SNAP47: variants seen among roughly 807,000 people sequenced by gnomAD.
SNAP47 encodes synaptosome associated protein 47.
SNAP47 carries 20 observed loss-of-function variants against 31.4 expected under a neutral mutation model. The observed-to-expected ratio is 0.64, with a 90% CI of 0.45 to 0.93. SNAP47 has a LOEUF of 0.93. Ranked by LOEUF, SNAP47 falls within the 40% of genes least tolerant of loss-of-function variation. SNAP47 has a pLI of 0.00. For missense variants in SNAP47, 492 were observed against 528.5 expected, an observed-to-expected ratio of 0.93 and a Z score of 0.68; for synonymous variants, 194 against 213.4, an observed-to-expected ratio of 0.91 and a Z score of 0.79.
At chr1:227,767,236 G>T (rs759241113) in intron 4 of SNAP47, among the ~76,000 whole-genome samples, 153 bp downstream of exon 4, 1 of 152,208 alleles carries the variant, frequency 6.6e-6, no homozygotes, top group African/African-American at 2.4e-5. Context: ...CTCGGCAGCT[G>T]CAGGGAGGGA....
intron 1 of SNAP47, 36 bp from the exon 2 acceptor site, chr1:227,747,656 G>A (rs1457162947): frequency 4.5e-6 from 7 of 1,548,364 alleles, no homozygotes; most frequent in Non-Finnish European, 6.1e-6. Flanking sequence ...CCAGTCCATG[G>A]GTGACGGCAG....
At chr1:227,743,382 C>T (rs948843747) in intron 1 of SNAP47, among the ~76,000 whole-genome samples, 3 of 152,174 alleles carry the variant, frequency 2.0e-5, no homozygotes, top group African/African-American at 7.2e-5. Context: ...GTTGGGGTTC[C>T]CTGCAGTCTG....
intron 4 of SNAP47, chr1:227,768,262 A>G: frequency 7.1e-6 from 7 of 985,424 alleles, no homozygotes; most frequent in Non-Finnish European, 8.4e-6. Flanking sequence ...ATTCCTGGAA[A>G]AAGCAAAGCT....
Position 227,762,581 on chromosome 1 carries a change from G to C in SNAP47, c.988+3096G>C, listed in dbSNP as rs1009907121. On this transcript the variant is annotated intron_variant, in intron 3 of 4. Transcript: ENST00000617596. This position sits in a 1 kb window ranked among gnomAD's most constrained non-coding sequence, Gnocchi z 4.2. ...AGAAATCCCTGCCTCTGGGACGAGC[G>C]CTGGTGCACGTGTGGCCACAGGGTG... Among the ~76,000 whole-genome samples, 1 of 152,246 alleles carries C rather than the reference G, an allele frequency of 6.6e-6. No individual in the cohort carries two copies. Among genetic ancestry groups the C allele is most frequent in the African/African-American group, 2.4e-5 (1 of 41,468 alleles).
chr1:227,746,969 C>T (rs182082525), intron 1 of SNAP47: 6 of 152,310 alleles, frequency 3.9e-5, no homozygotes, highest in South Asian at 2.1e-4. Flanking sequence ...CATGAGGATT[C>T]GTTCAAATCT....
chr1:227,772,251 A>C (rs542958799), intron 4 of SNAP47, among the ~76,000 whole-genome samples: 29 of 152,298 alleles, frequency 1.9e-4, no homozygotes, highest in Non-Finnish European at 3.5e-4. Flanking sequence ...ACCATTTTTA[A>C]GTGTACAATT....
intron 1 of SNAP47, among the ~76,000 whole-genome samples, chr1:227,728,973 A>G (rs1325293515): frequency 6.6e-6 from 1 of 152,170 alleles, no homozygotes; most frequent in Non-Finnish European, 1.5e-5. Flanking sequence ...GAGGAAGGCC[A>G]GGATCCACGA....
At chr1:227,757,863 T>C (rs1662789751) in intron 2 of SNAP47, among the ~76,000 whole-genome samples, 1 of 152,216 alleles carries the variant, frequency 6.6e-6, no homozygotes, top group Non-Finnish European at 1.5e-5. Context: ...CCATGGCAGT[T>C]AGCTTAGGTG....
intron 2 of SNAP47, among the ~76,000 whole-genome samples, chr1:227,752,256 T>G (rs1343674319): frequency 2.0e-5 from 3 of 152,154 alleles, no homozygotes; most frequent in African/African-American, 7.2e-5. Flanking sequence ...TTTCTTTTTT[T>G]CCTTGAGAAT....
chr1:227,765,747 G>T (rs555699602), intron 3 of SNAP47, among the ~76,000 whole-genome samples: 3 of 152,136 alleles, frequency 2.0e-5, no homozygotes, highest in Non-Finnish European at 4.4e-5. Context: ...ACTTGCACTC[G>T]CACCCATCTG....
At chr1:227,733,597 TG>T, upstream of SNAP47, 1 of 1,607,618 alleles carries the variant, frequency 6.2e-7, no homozygotes, top group Non-Finnish European at 8.5e-7. Flanking sequence ...CTTCCTGCCC[TG>T]GGGGGAAGAG....
rs1164898404 is a variant in SNAP47 at position 227,780,729 on chromosome 1, G to A, written c.*56G>A. 1 of 1,606,036 alleles carries A rather than the reference G, an allele frequency of 6.2e-7. No individual in the cohort carries two copies. Among genetic ancestry groups the A allele is most frequent in the Non-Finnish European group, 8.5e-7 (1 of 1,175,670 alleles). ...CCTGCACATCCCGCTGAGATGGAGG[G>A]CTGGGCGGCAGTGCCAGGGCTGCAG... On this transcript the variant is annotated 3_prime_UTR_variant, in exon 5 of 5. Transcript: ENST00000617596.
rs117262684 is a variant in SNAP47, at chr1:227,741,346, T to G, written c.-46+5847T>G. Among the ~76,000 whole-genome samples the G allele has an allele frequency of 3.1e-3, 477 of 152,182 alleles. 13 individuals carry two copies. In the East Asian group the frequency reaches 0.061, roughly 19 times the overall value. On this transcript the variant is annotated intron_variant, in intron 1 of 4. Coordinates refer to ENST00000617596, the MANE Select transcript of SNAP47 (RefSeq NM_053052.4). The surrounding 1 kb of genome is among the most constrained non-coding windows in gnomAD (Gnocchi z 4.2). ...CAAGGAGAGTGGACGCAGGCACTCA[T>G]GGAAGTGGGGCTGGAGACCTGGAGA...
chr1:227,728,823 G>A (rs1310094414), intron 1 of SNAP47: 1 of 152,274 alleles, frequency 6.6e-6, no homozygotes, highest in South Asian at 2.1e-4. Context: ...CAGGAGAGGC[G>A]AGGGGAACGG....
chr1:227,770,329 C>G (rs1663717104), intron 4 of SNAP47, among the ~76,000 whole-genome samples: 1 of 152,172 alleles, frequency 6.6e-6, no homozygotes, highest in African/African-American at 2.4e-5. Context: ...ACTTGGGGCT[C>G]AGGTAGGGCT....
chr1:227,728,284 G>A (rs1416132653), upstream of SNAP47, among the ~76,000 whole-genome samples: 5 of 152,158 alleles, frequency 3.3e-5, no homozygotes, highest in African/African-American at 1.2e-4. Context: ...GGAACACAAG[G>A]GTAGGGAAGG....
At chr1:227,777,286 C>T (rs1013820284) in intron 4 of SNAP47, 5 of 238,864 alleles carry the variant, frequency 2.1e-5, no homozygotes, top group South Asian at 1.5e-4. Flanking sequence ...ATCTTGGGCA[C>T]GCACCACTCA....
chr1:227,746,523 G>C (rs1156374020), intron 1 of SNAP47: 4 of 152,280 alleles, frequency 2.6e-5, no homozygotes, highest in Non-Finnish European at 5.9e-5. Flanking sequence ...CAGTGCAGCA[G>C]TTACATGAAA....
intron 4 of SNAP47, among the ~76,000 whole-genome samples, chr1:227,767,756 T>C (rs1663533593): frequency 6.6e-6 from 1 of 152,240 alleles, no homozygotes; most frequent in African/African-American, 2.4e-5. Flanking sequence ...TGTGCGTGCA[T>C]GTGTGCTCTG....
Sources: allele counts gnomAD v4.1 joint callset (sites outside exome capture counted in the v4.1 genomes callset), GRCh38; gene constraint gnomAD v4.1.1; non-coding constraint Gnocchi (gnomAD v3.1); transcripts MANE v1.5; gene names NCBI Gene and HGNC (gene_info 2026-07-23, HGNC 2026-07-21).